Variants in IFITM2 observed in about 807,000 individuals in gnomAD.
The protein encoded by IFITM2 is interferon induced transmembrane protein 2.
Under a neutral mutation model 5.9 loss-of-function variants are expected in IFITM2, and 3 were observed. The observed-to-expected ratio is 0.51, with a 90% CI of 0.23 to 1.32. IFITM2 has a LOEUF of 1.32. Among genes scored for constraint, IFITM2 ranks in the 40% most tolerant of loss-of-function variants. The probability of loss-of-function intolerance (pLI) is 0.18; values close to 1 mark genes in which losing one functional copy is unlikely to be tolerated. For missense variants in IFITM2, 159 were observed against 175.9 expected (o/e 0.90, Z 0.54); for synonymous variants, 76 against 72.4 (o/e 1.05, Z -0.25).
chr11:308,689 G>C (rs370983984), intron 1 of IFITM2: 1 of 731,522 alleles, frequency 1.4e-6, no homozygotes, highest in Non-Finnish European at 2.4e-6. Flanking sequence ...GTCTGTCCCC[G>C]GCTATCCACT....
chr11:308,079 C>T lies in IFITM2; in HGVS notation c.-114C>T. ...TGTTCTGCCCTTATCTGGCCCTGGC[C>T]AGCTCTGCATTTGACAAATGCCAGG... On this transcript the variant is annotated 5_prime_UTR_variant, in exon 1 of 2. Transcript: ENST00000616316. The T allele has an allele frequency of 7.1e-7, 1 of 1,414,068 alleles. No individual in the cohort carries two copies. The highest frequency in any genetic ancestry group is 9.8e-7 in the Non-Finnish European group (1 of 1,024,698). The allele number at this position is 1,414,068 out of a possible 1,614,324, so 87.6% of individuals were successfully genotyped here. A position where few individuals can be genotyped will look rare whatever the true frequency, so the allele number is the denominator to read the frequency against.
Position 309,198 on chromosome 11 carries a change from C to T in IFITM2, c.*33C>T, listed in dbSNP as rs770140587. 4 of 1,614,084 alleles carry T rather than the reference C, an allele frequency of 2.5e-6. No individual in the cohort carries two copies. The highest frequency in any genetic ancestry group is 3.4e-6 in the Non-Finnish European group (4 of 1,180,000). On this transcript the variant is annotated 3_prime_UTR_variant, in exon 2 of 2. Coordinates refer to ENST00000616316, the MANE Select transcript of IFITM2 (RefSeq NM_006435.3). ...GGCATCATTGAGGCCAGGAGCTCTG[C>T]CCGTGACCTGTATCCCACGTACTCT...
At chr11:308,928 G>A in intron 1 of IFITM2, 85 bp from the exon 2 acceptor site, 1 of 1,599,438 alleles carries the variant, frequency 6.3e-7, no homozygotes, top group East Asian at 2.2e-5. Context: ...TCTCAGGGCA[G>A]GGAGGAGACA....
chr11:308,362 T>C lies in IFITM2; in HGVS notation c.170T>C (p.Val57Ala), dbSNP rs773957981. 1 of 1,613,556 alleles carries C rather than the reference T, an allele frequency of 6.2e-7. No individual in the cohort carries two copies. Among genetic ancestry groups the C allele is most frequent in the African/African-American group, 1.3e-5 (1 of 74,816 alleles). The change falls in exon 1 of 2, where the codon GTG becomes GCG. Residue 57 changes from valine (V) to alanine (A), a missense_variant. Val to Ala is a moderately conservative substitution (Grantham distance 64). Coordinates refer to ENST00000616316, the MANE Select transcript of IFITM2 (RefSeq NM_006435.3). The stretch of plus-strand genomic sequence containing the variant: ...AGCGAGACCTCCGTGCCTGACCATG[T>C]GGTCTGGTCCCTGTTCAACACCCTC... ...IRSETSVPDH[V>A]VWSLFNTLFM...
At position 309,209 on chromosome 11, in the gene IFITM2, T is replaced by C. The variant is rs376451152; in HGVS notation, c.*44T>C. 7 of 1,613,852 alleles carry C rather than the reference T, an allele frequency of 4.3e-6. No individual in the cohort carries two copies. Among genetic ancestry groups the C allele is most frequent in the Non-Finnish European group, 5.9e-6 (7 of 1,179,960 alleles). On this transcript the variant is annotated 3_prime_UTR_variant, in exon 2 of 2. Coordinates refer to ENST00000616316, the MANE Select transcript of IFITM2 (RefSeq NM_006435.3). ...GGCCAGGAGCTCTGCCCGTGACCTG[T>C]ATCCCACGTACTCTATCTTCCATTC...
rs1162593889 is a variant in IFITM2, at chr11:309,331, C to T, written c.*166C>T. On this transcript the variant is annotated 3_prime_UTR_variant, in exon 2 of 2. Coordinates refer to ENST00000616316, the MANE Select transcript of IFITM2 (RefSeq NM_006435.3). ...GCCCTGTCCCCACAGCCGAGTCCTGCATCAGCCCTTTATCCTCACACGCTT... is the reference window on the plus strand; with the variant it reads ...GCCCTGTCCCCACAGCCGAGTCCTGTATCAGCCCTTTATCCTCACACGCTT... The T allele has an allele frequency of 2.0e-6, 3 of 1,522,078 alleles. No individual in the cohort carries two copies. The highest frequency in any genetic ancestry group is 1.2e-5 in the South Asian group (1 of 81,508). 94.3% of individuals were successfully genotyped at this position (1,522,078 alleles called of 1,614,324 possible). A position where few individuals can be genotyped will look rare whatever the true frequency, so the allele number is the denominator to read the frequency against.
In IFITM2 at chr11:308,161, C is replaced by T. The variant is rs377126877; in HGVS notation, c.-32C>T. 142 of 1,606,316 alleles carry T rather than the reference C, an allele frequency of 8.8e-5. No homozygotes were observed. Among genetic ancestry groups the T allele is most frequent in the Middle Eastern group, 5.0e-4 (3 of 6,048 alleles). On this transcript the variant is annotated 5_prime_UTR_variant, in exon 1 of 2. Transcript: ENST00000616316. ...GGGGAAAGGGAGGGCTCACTGAGAA[C>T]CATCCCGGTAACCCGATCACCGCTG...
chr11:308,399 C>T lies in IFITM2; in HGVS notation c.207C>T (p.Thr69=). 1.2e-6 allele frequency: 2 copies of T among 1,613,824 alleles called. No homozygotes were observed. Reference sequence around the variant, plus strand: ...TGTTCAACACCCTCTTCATGAACACCTGCTGCCTGGGCTTCATAGCATTCG... The same window carrying T: ...TGTTCAACACCCTCTTCATGAACACTTGCTGCCTGGGCTTCATAGCATTCG... The part of the protein sequence containing the change: ...WSLFNTLFMN[T]CCLGFIAFAY... Residue 69 remains threonine, a synonymous_variant, in exon 1 of 2, where the codon ACC becomes ACT. Transcript: ENST00000616316.
rs371346866 is a variant in IFITM2 at position 308,265 on chromosome 11, G to A, written c.73G>A (p.Glu25Lys). ...TCCCAACTACGAGATGCTCAAGGAGGAGCAGGAAGTGGCTATGCTGGGGGT... is the reference window on the plus strand; with the variant it reads ...TCCCAACTACGAGATGCTCAAGGAGAAGCAGGAAGTGGCTATGCTGGGGGT... Reference protein sequence around the residue: ...QPPNYEMLKEEQEVAMLGVPH... With the variant: ...QPPNYEMLKEKQEVAMLGVPH... The change falls in exon 1 of 2, where the codon GAG becomes AAG. Residue 25 changes from glutamate (E) to lysine (K), a missense_variant. Glu to Lys is a moderately conservative substitution (Grantham distance 56). Coordinates refer to ENST00000616316, the MANE Select transcript of IFITM2 (RefSeq NM_006435.3). The A allele has an allele frequency of 1.2e-6, 2 of 1,614,130 alleles. No homozygotes were observed. Among genetic ancestry groups the A allele is most frequent in the Non-Finnish European group, 8.5e-7 (1 of 1,180,018 alleles).
chr11:308,398 C>G lies in IFITM2; in HGVS notation c.206C>G (p.Thr69Ser), dbSNP rs1403566084. 3.1e-6 allele frequency: 5 copies of G among 1,613,820 alleles called. 1 individual carries two copies. The South Asian group carries it at 4.4e-5, about 14-fold the overall frequency. ...WSLFNTLFMN[T>S]CCLGFIAFAY... is the part of the protein sequence containing the mutation. Reference sequence around the variant, plus strand: ...CTGTTCAACACCCTCTTCATGAACACCTGCTGCCTGGGCTTCATAGCATTC... The same window carrying G: ...CTGTTCAACACCCTCTTCATGAACAGCTGCTGCCTGGGCTTCATAGCATTC... The change falls in exon 1 of 2, where the codon ACC becomes AGC. Residue 69 changes from threonine (T) to serine (S), a missense_variant. Transcript: ENST00000616316.
intron 1 of IFITM2, chr11:308,758 G>A: frequency 1.4e-6 from 1 of 718,258 alleles, no homozygotes; most frequent in Non-Finnish European, 2.6e-6. Flanking sequence ...CTTCCAGACT[G>A]GCACCCAGGC....
In IFITM2 at chr11:309,163, T is replaced by C. The variant is rs753294795; in HGVS notation, c.397T>C (p.Ter133GlnextTer6). ...IPVLVVQAQR[*>Q] ...AGTGTTGGTCGTCCAGGCCCAGCGA[T>C]AGATCAGGAGGCATCATTGAGGCCA... The change falls in exon 2 of 2, where the codon TAG (stop) becomes CAG (glutamine). Residue 133 changes from the stop codon to glutamine (Q), a stop_lost. Transcript: ENST00000616316. The C allele has an allele frequency of 6.2e-7, 1 of 1,614,202 alleles. No homozygotes were observed. Among genetic ancestry groups the C allele is most frequent in the Admixed American group, 1.7e-5 (1 of 60,028 alleles).
At position 309,223 on chromosome 11, in the gene IFITM2, T is replaced by C. The variant is rs199795314; in HGVS notation, c.*58T>C. The stretch of plus-strand genomic sequence containing the variant: ...CCCGTGACCTGTATCCCACGTACTC[T>C]ATCTTCCATTCCTCGCCCTGCCCCC... On this transcript the variant is annotated 3_prime_UTR_variant, in exon 2 of 2. Coordinates refer to ENST00000616316, the MANE Select transcript of IFITM2 (RefSeq NM_006435.3). 16 of 1,613,500 alleles carry C rather than the reference T, an allele frequency of 9.9e-6. No homozygotes were observed. The highest frequency in any genetic ancestry group is 9.3e-5 in the African/African-American group (7 of 74,972).
At chr11:308,764 C>G (rs1425151738) in intron 1 of IFITM2, 11 of 719,082 alleles carry the variant, frequency 1.5e-5, no homozygotes, top group Non-Finnish European at 1.8e-5. Flanking sequence ...GACTGGCACC[C>G]AGGCTCTCCC....
In IFITM2 at chr11:308,380, A is replaced by G. The variant is rs371179996; in HGVS notation, c.188A>G (p.Asn63Ser). The G allele has an allele frequency of 1.0e-4, 166 of 1,613,572 alleles. No homozygotes were observed. Among genetic ancestry groups the G allele is most frequent in the Non-Finnish European group, 1.3e-4 (157 of 1,179,836 alleles). Residue 63 changes from asparagine to serine, a missense_variant, in exon 1 of 2, where the codon AAC (asparagine) becomes AGC (serine). Asn to Ser is a conservative substitution (Grantham distance 46). Coordinates refer to ENST00000616316, the MANE Select transcript of IFITM2 (RefSeq NM_006435.3). The part of the protein sequence containing the change: ...VPDHVVWSLF[N>S]TLFMNTCCLG... ...GACCATGTGGTCTGGTCCCTGTTCA[A>G]CACCCTCTTCATGAACACCTGCTGC... is the stretch of plus-strand genomic sequence containing the variant.
Position 309,290 on chromosome 11 carries a change from C to G in IFITM2, c.*125C>G. On this transcript the variant is annotated 3_prime_UTR_variant, in exon 2 of 2. Coordinates refer to ENST00000616316, the MANE Select transcript of IFITM2 (RefSeq NM_006435.3). ...GCCCTTGACCTGTATTCCACTTACT[C>G]CACCTTCCATTCCTCGCCCTGTCCC... 1 of 1,585,070 alleles carries G rather than the reference C, an allele frequency of 6.3e-7. No homozygotes were observed. Among genetic ancestry groups the G allele is most frequent in the Non-Finnish European group, 8.6e-7 (1 of 1,165,146 alleles).
In IFITM2 at chr11:309,326, T is replaced by A. The variant is rs1433940992; in HGVS notation, c.*161T>A. 5.9e-6 allele frequency: 9 copies of A among 1,533,518 alleles called. No homozygotes were observed. The highest frequency in any genetic ancestry group is 7.1e-6 in the Non-Finnish European group (8 of 1,134,314). The allele number at this position is 1,533,518 out of a possible 1,614,324, so 95.0% of individuals were successfully genotyped here. ...TCCTCGCCCTGTCCCCACAGCCGAGTCCTGCATCAGCCCTTTATCCTCACA... is the reference window on the plus strand; with the variant it reads ...TCCTCGCCCTGTCCCCACAGCCGAGACCTGCATCAGCCCTTTATCCTCACA... On this transcript the variant is annotated 3_prime_UTR_variant, in exon 2 of 2. Coordinates refer to ENST00000616316, the MANE Select transcript of IFITM2 (RefSeq NM_006435.3).
At chr11:308,584 C>T in intron 1 of IFITM2, 146 bp downstream of exon 1, 1 of 1,301,628 alleles carries the variant, frequency 7.7e-7, no homozygotes, top group Non-Finnish European at 1.1e-6. Flanking sequence ...ACGTCAGTGG[C>T]TTTGTCTGTG....
chr11:309,381 GTA>G lies in IFITM2; in HGVS notation c.*220_*221del, dbSNP rs1564848994. 9 of 1,294,038 alleles carry G rather than the reference GTA, an allele frequency of 7.0e-6. No homozygotes were observed. The highest frequency in any genetic ancestry group is 9.4e-6 in the Non-Finnish European group (9 of 953,214). 80.2% of individuals were successfully genotyped at this position (1,294,038 alleles called of 1,614,324 possible). A position where few individuals can be genotyped will look rare whatever the true frequency, so the allele number is the denominator to read the frequency against. On this transcript the variant is annotated 3_prime_UTR_variant, in exon 2 of 2. Transcript: ENST00000616316. ...TTTCTACAATGGCATTCAATAAAGT[GTA>G]TATGTTTCTGGTGCTGCTGTGACTT...
Sources: gnomAD v4.1 joint callset for allele counts on GRCh38, gnomAD v4.1.1 for gene constraint, MANE v1.5 for transcripts, NCBI Gene and HGNC (gene_info 2026-07-23, HGNC 2026-07-21) for gene names.